CEP192: variants seen among roughly 807,000 people sequenced by gnomAD.
CEP192 encodes centrosomal protein of 192 kDa.
In CEP192, 151 loss-of-function variants were observed where a neutral mutation model predicts 271.8. The ratio of observed to expected loss-of-function variants is 0.56; its 90% CI spans 0.49 to 0.64. CEP192 has a LOEUF of 0.64. Among genes scored for constraint, CEP192 ranks in the 30% least tolerant of loss-of-function variants. The pLI, the probability that CEP192 is intolerant of heterozygous loss-of-function variation, is 0.00. For synonymous variants in CEP192, 995 were observed against 1,076.5 expected, an observed-to-expected ratio of 0.92 and a Z score of 1.48; for missense variants, 2,910 against 3,020.5, an observed-to-expected ratio of 0.96 and a Z score of 0.86.
Position 13,087,272 on chromosome 18 carries a change from CAAG to C in CEP192, c.5876_5877+1del. On this transcript the variant is annotated inframe_deletion and splice_region_variant, in exon 31 of 45. Coordinates refer to ENST00000506447, the MANE Select transcript of CEP192 (RefSeq NM_032142.4). ...TAAATTTGTACTCAAGGAAAGAACA[CAAG>C]AAGTAAGTACAAAAGTTTCTGTGCT... 1 of 1,596,006 alleles carries C rather than the reference CAAG, an allele frequency of 6.3e-7. No individual in the cohort carries two copies. Among genetic ancestry groups the C allele is most frequent in the Non-Finnish European group, 8.6e-7 (1 of 1,167,248 alleles).
chr18:13,116,038 TG>T (rs1315234263), intron 42 of CEP192, among the ~76,000 whole-genome samples: 1 of 152,178 alleles, frequency 6.6e-6, no homozygotes, highest in Non-Finnish European at 1.5e-5. Flanking sequence ...TGGAGCAGCC[TG>T]TGTCCCTGTG....
chr18:13,120,567 T>TA (rs2040614628), intron 44 of CEP192, among the ~76,000 whole-genome samples: 1 of 152,240 alleles, frequency 6.6e-6, no homozygotes, highest in Non-Finnish European at 1.5e-5. Context: ...AGTTAGCATT[T>TA]AAAATAGTAT....
At chr18:13,099,635 T>C in intron 37 of CEP192, 54 bp downstream of exon 37, 1 of 854,752 alleles carries the variant, frequency 1.2e-6, no homozygotes, top group Non-Finnish European at 1.9e-6. Context: ...TGTTTGTAGC[T>C]TCAGTTTTAT....
chr18:13,057,124 A>G (rs372302898), intron 19 of CEP192, among the ~76,000 whole-genome samples: 10 of 152,294 alleles, frequency 6.6e-5, no homozygotes, highest in Non-Finnish European at 1.2e-4. Context: ...CATGGTGCAC[A>G]CGGCCACTGG....
intron 15 of CEP192, among the ~76,000 whole-genome samples, chr18:13,048,238 TCTTCC>T (rs1383701230): frequency 6.6e-6 from 1 of 152,212 alleles, no homozygotes; most frequent in African/African-American, 2.4e-5. Context: ...CGTGATGAAA[TCTTCC>T]CACCAATTTG....
chr18:13,118,658 C>T (rs566681728), intron 44 of CEP192, among the ~76,000 whole-genome samples: 57 of 152,254 alleles, frequency 3.7e-4, no homozygotes, highest in South Asian at 1.0e-3. Flanking sequence ...TAAAAATTAT[C>T]ATAAACTTGA....
Position 13,113,684 on chromosome 18 carries a change from G to T in CEP192, c.7146G>T (p.Leu2382Phe). 1 of 1,612,822 alleles carries T rather than the reference G, an allele frequency of 6.2e-7. No homozygotes were observed. Among genetic ancestry groups the T allele is most frequent in the South Asian group, 1.1e-5 (1 of 90,844 alleles). Residue 2382 changes from leucine to phenylalanine, a missense_variant, in exon 41 of 45, where the codon TTG becomes TTT. Physicochemically the swap from Leu to Phe is conservative, Grantham distance 22 (BLOSUM62 0). Transcript: ENST00000506447. ...PLKEPHMKHT[L>F]RFQLSGQSIE... ...AGGAGCCTCACATGAAACACACGTT[G>T]AGATTCCAACTCTCTGGACAAGTGA... is the stretch of plus-strand genomic sequence containing the variant.
At chr18:13,122,159 C>CA (rs1286201581) in intron 44 of CEP192, among the ~76,000 whole-genome samples, 1 of 152,214 alleles carries the variant, frequency 6.6e-6, no homozygotes, top group African/African-American at 2.4e-5. Context: ...CGCGGTGGCT[C>CA]ATGCCTGTAA....
chr18:13,000,130 A>T (rs1332188600), intron 2 of CEP192, among the ~76,000 whole-genome samples: 1 of 117,788 alleles, frequency 8.5e-6, no homozygotes, highest in Non-Finnish European at 1.8e-5. Context: ...CTAATTAAAA[A>T]AATATTTTAT....
chr18:13,116,081 C>T (rs961693519), intron 42 of CEP192, among the ~76,000 whole-genome samples: 1 of 152,078 alleles, frequency 6.6e-6, no homozygotes. Context: ...TGCAGCGTGA[C>T]GGGGCCAAGC....
chr18:13,026,911 C>T (rs902323301), intron 9 of CEP192, among the ~76,000 whole-genome samples: 2 of 152,184 alleles, frequency 1.3e-5, no homozygotes, highest in Non-Finnish European at 2.9e-5. Flanking sequence ...CTTGTCTCTT[C>T]AAACTGTTTT....
Position 13,104,475 on chromosome 18 carries a change from G to A in CEP192, c.6952-509G>A, listed in dbSNP as rs142124848. Among the ~76,000 whole-genome samples the A allele has an allele frequency of 1.4e-3, 210 of 152,254 alleles. 2 individuals are homozygous for A. The highest frequency in any genetic ancestry group is 4.8e-3 in the African/African-American group (199 of 41,548). On this transcript the variant is annotated intron_variant, in intron 39 of 44. Transcript: ENST00000506447. The stretch of plus-strand genomic sequence containing the variant: ...AAATGTGTACAAAAAAGAGTTTCTG[G>A]ACCTACTGTGAAAAAATTAAAAACT...
chr18:13,042,450 C>A, intron 15 of CEP192, 116 bp downstream of exon 15: 3 of 1,065,966 alleles, frequency 2.8e-6, no homozygotes, highest in Non-Finnish European at 2.7e-6. Flanking sequence ...TCTTTCCTGG[C>A]TTCAGATTTC....
chr18:13,040,149 C>G (rs891370989), intron 13 of CEP192, among the ~76,000 whole-genome samples: 3 of 151,972 alleles, frequency 2.0e-5, no homozygotes, highest in African/African-American at 7.2e-5. Context: ...AGCACTGGAT[C>G]ATGAAAAAAA....
At chr18:13,099,699 C>A (rs952231135) in intron 37 of CEP192, 118 bp downstream of exon 37, 6 of 572,504 alleles carry the variant, frequency 1.0e-5, no homozygotes, top group African/African-American at 9.6e-5. Context: ...CTTGACCCTT[C>A]ATATTTGTGG....
chr18:12,996,805 T>G (rs1178610359), intron 1 of CEP192, among the ~76,000 whole-genome samples: 1 of 152,186 alleles, frequency 6.6e-6, no homozygotes, highest in Non-Finnish European at 1.5e-5. Flanking sequence ...AGGTAGATTA[T>G]AGTATGCTAC....
At chr18:13,118,210 ATAGT>A (rs1156943060) in intron 44 of CEP192, among the ~76,000 whole-genome samples, 3 of 152,210 alleles carry the variant, frequency 2.0e-5, no homozygotes, top group South Asian at 2.1e-4. Flanking sequence ...TTAGAACTTA[ATAGT>A]TAGGGTTCTG....
At chr18:13,055,669 A>C (rs757869090) in intron 18 of CEP192, 111 bp from the exon 19 acceptor site, 4 of 709,302 alleles carry the variant, frequency 5.6e-6, no homozygotes, top group Admixed American at 6.7e-5. Context: ...TTTTTTTTCA[A>C]AGAGACACCT....
At chr18:12,999,828 A>ATTT (rs36207281) in intron 2 of CEP192, among the ~76,000 whole-genome samples, 3 of 124,034 alleles carry the variant, frequency 2.4e-5, no homozygotes, top group Admixed American at 8.2e-5. Flanking sequence ...ATTTCGGTCT[A>ATTT]TTTTTTTTTT....
Sources: gnomAD v4.1 joint callset for allele counts (sites outside exome capture counted in the v4.1 genomes callset) on GRCh38, gnomAD v4.1.1 for gene constraint, MANE v1.5 for transcripts, NCBI Gene and HGNC (gene_info 2026-07-23, HGNC 2026-07-21) for gene names.